The following ADGRE3 variants were observed in gnomAD, a reference collection of about 807,000 sequenced individuals.
ADGRE3 encodes adhesion G protein-coupled receptor E3, also known as EGF-like module receptor 3.
A neutral mutation model predicts 80.1 loss-of-function variants in ADGRE3; 88 were observed. That is an observed-to-expected ratio of 1.10 (90% CI 0.93 to 1.31). The LOEUF (loss-of-function observed/expected upper bound fraction) is 1.31, where lower values mean the gene tolerates loss of function less well. ADGRE3 is among the 40% of genes most tolerant of loss of function. The pLI, the probability that ADGRE3 is intolerant of heterozygous loss-of-function variation, is 0.00. For synonymous variants in ADGRE3, 281 were observed against 294.8 expected, an observed-to-expected ratio of 0.95 and a Z score of 0.48; for missense variants, 715 against 776.5, an observed-to-expected ratio of 0.92 and a Z score of 0.94.
chr19:14,620,434 A>C (rs1840986553), intron 15 of ADGRE3, among the ~76,000 whole-genome samples: 1 of 143,708 alleles, frequency 7.0e-6, no homozygotes, highest in Non-Finnish European at 1.5e-5. Flanking sequence ...ATATGAATAT[A>C]TATGTATATT....
rs1972126344 is a variant in ADGRE3 at position 14,667,182 on chromosome 19, C to T, written c.76+1620G>A. ...GAGGCTTGGCAGAGAGGAAATGTGG[C>T]TGCTGGTGGCTATGAAGTGAGACTT... is the stretch of plus-strand genomic sequence containing the variant. On this transcript the variant is annotated intron_variant, in intron 2 of 15. Coordinates refer to ENST00000253673, the MANE Select transcript of ADGRE3 (RefSeq NM_032571.5). 2.0e-5 allele frequency among the ~76,000 whole-genome samples: 3 copies of T among 152,092 alleles called. No individual in the cohort carries two copies. The South Asian group carries it at 6.2e-4, about 32-fold the overall frequency.
At chr19:14,673,723 G>A (rs1972315823) in intron 1 of ADGRE3, among the ~76,000 whole-genome samples, 1 of 152,138 alleles carries the variant, frequency 6.6e-6, no homozygotes, top group Non-Finnish European at 1.5e-5. Context: ...CAAAAATGTT[G>A]GTTATCATTA....
chr19:14,647,635 CTCAA>C (rs1971452770), intron 7 of ADGRE3, among the ~76,000 whole-genome samples: 1 of 151,474 alleles, frequency 6.6e-6, no homozygotes, highest in Admixed American at 6.6e-5. Context: ...CCAGGCTGGT[CTCAA>C]ACTCCTGACC....
chr19:14,607,006 A>T, the ADGRE3 span: 1 of 1,289,268 alleles, frequency 7.8e-7, no homozygotes, highest in Non-Finnish European at 9.9e-7. Context: ...TTTGTGGCCA[A>T]GGCCCATGGC....
intron 10 of ADGRE3, among the ~76,000 whole-genome samples, chr19:14,639,056 C>T (rs1475442643): frequency 1.3e-5 from 2 of 151,888 alleles, no homozygotes; most frequent in African/African-American, 4.8e-5. Context: ...TGTGTGCCAC[C>T]ATATCCACTA....
Position 14,655,184 on chromosome 19 carries a change from T to C in ADGRE3, c.394-19A>G. 6.3e-7 allele frequency: 1 copy of C among 1,590,528 alleles called. No individual in the cohort carries two copies. On this transcript the variant is annotated intron_variant, in intron 5 of 15. Transcript: ENST00000253673. ...TTTGCAGCTTTGAAGACATAAAGAA[T>C]TTTCATTTTTTAAAAATGTAATCTG...
chr19:14,652,790 G>GAAA (rs372506023), intron 6 of ADGRE3, among the ~76,000 whole-genome samples: 1 of 125,962 alleles, frequency 7.9e-6, no homozygotes, highest in Non-Finnish European at 1.7e-5. Context: ...AAAAAAAAAA[G>GAAA]AAAAAAAAAA....
chr19:14,654,640 T>C (rs1179979571), intron 6 of ADGRE3, among the ~76,000 whole-genome samples: 1 of 152,238 alleles, frequency 6.6e-6, no homozygotes, highest in Non-Finnish European at 1.5e-5. Flanking sequence ...AACAACTTTA[T>C]TGAGGTATAA....
At chr19:14,607,370 A>AT in the ADGRE3 span, among the ~76,000 whole-genome samples, 54,789 of 150,456 alleles carry the variant, frequency 0.36, 11,386 homozygotes, top group Non-Finnish European at 0.47. Context: ...TGCCCGGCTA[A>AT]TTTTTTGTAT....
Position 14,663,433 on chromosome 19 carries a change from A to G in ADGRE3, c.184T>C (p.Leu62=), listed in dbSNP as rs1972007928. 6.2e-7 allele frequency: 1 copy of G among 1,605,926 alleles called. No homozygotes were observed. The highest frequency in any genetic ancestry group is 1.1e-5 in the South Asian group (1 of 90,360). ...GSGQKLFTFP[L]ETCNDINECT... is the part of the protein sequence containing the mutation. ...ACTTCTTTACCGTTACATGTCTCCA[A>G]GGGGAATGTGAATAGTTTCTGCCCA... The change falls in exon 3 of 16, where the codon TTG becomes CTG. Residue 62 remains leucine (L), a synonymous_variant. Coordinates refer to ENST00000253673, the MANE Select transcript of ADGRE3 (RefSeq NM_032571.5).
At chr19:14,628,241 G>A (rs187876270) in intron 14 of ADGRE3, among the ~76,000 whole-genome samples, 46 of 150,160 alleles carry the variant, frequency 3.1e-4, no homozygotes, top group African/African-American at 1.0e-3. Context: ...AGTGTTTTGC[G>A]TATGCTCATG....
chr19:14,626,806 T>G (rs1249802017), intron 14 of ADGRE3, among the ~76,000 whole-genome samples: 1 of 152,172 alleles, frequency 6.6e-6, no homozygotes, highest in African/African-American at 2.4e-5. Flanking sequence ...TAGAGTCAAC[T>G]TGCCTGAAGG....
chr19:14,644,766 C>A (rs1447544685), intron 8 of ADGRE3, among the ~76,000 whole-genome samples: 1 of 152,176 alleles, frequency 6.6e-6, no homozygotes, highest in African/African-American at 2.4e-5. Context: ...CATTCTGTCA[C>A]CCAGGCTGGA....
In ADGRE3 at chr19:14,619,443, C is replaced by G. The variant is rs781712544; in HGVS notation, c.1949G>C (p.Arg650Thr). ...EGDVFPGQVK[R>T]KY ...TTGAATATTCTAGTTTTAATATTTT[C>G]TCTTCACTTGTCCTGGAAAAACATC... is the stretch of plus-strand genomic sequence containing the variant. Residue 650 changes from arginine (R) to threonine (T), a missense_variant, in exon 16 of 16, where the codon AGA becomes ACA. Physicochemically the swap from Arg to Thr is moderately conservative, Grantham distance 71. Coordinates refer to ENST00000253673, the MANE Select transcript of ADGRE3 (RefSeq NM_032571.5). 11 of 1,591,192 alleles carry G rather than the reference C, an allele frequency of 6.9e-6. No individual in the cohort carries two copies. The African/African-American group carries it at 1.3e-4, about 19-fold the overall frequency.
chr19:14,628,878 T>G lies in ADGRE3; in HGVS notation c.1812+1161A>C, dbSNP rs556991774. 5.5e-5 allele frequency: 9 copies of G among 163,694 alleles called. No homozygotes were observed. In the South Asian group the frequency reaches 6.0e-4, roughly 11 times the overall value. The allele number at this position is 163,694 out of a possible 1,614,324, so 10.1% of individuals were successfully genotyped here. A position where few individuals can be genotyped will look rare whatever the true frequency, so the allele number is the denominator to read the frequency against. ...TCAGTCCAGCATGGTGGCTTACACC[T>G]GTAATCCCGGCACTATATAATTGGT... is the stretch of plus-strand genomic sequence containing the variant. On this transcript the variant is annotated intron_variant, in intron 14 of 15. Transcript: ENST00000253673.
chr19:14,641,995 TA>T (rs1369310036), intron 9 of ADGRE3, among the ~76,000 whole-genome samples: 8 of 151,978 alleles, frequency 5.3e-5, no homozygotes, highest in South Asian at 2.1e-4. Flanking sequence ...TTTTTTCCCC[TA>T]AAAAAAGTAG....
chr19:14,626,811 T>C (rs1201747726), intron 14 of ADGRE3, among the ~76,000 whole-genome samples: 1 of 152,130 alleles, frequency 6.6e-6, no homozygotes, highest in Non-Finnish European at 1.5e-5. Flanking sequence ...TCAACTTGCC[T>C]GAAGGAGGAG....
chr19:14,607,600 C>T, the ADGRE3 span, among the ~76,000 whole-genome samples: 4 of 148,618 alleles, frequency 2.7e-5, no homozygotes, highest in African/African-American at 7.5e-5. Flanking sequence ...TTCTTTGAGA[C>T]GGAGTCTCGC....
chr19:14,668,630 T>C, intron 2 of ADGRE3, 172 bp downstream of exon 2: 1 of 566,856 alleles, frequency 1.8e-6, no homozygotes, highest in African/African-American at 1.9e-5. Context: ...TAAAAGGCTA[T>C]CCATATTTGA....
Sources: allele counts gnomAD v4.1 joint callset (sites outside exome capture counted in the v4.1 genomes callset), GRCh38; gene constraint gnomAD v4.1.1; transcripts MANE v1.5; gene names NCBI Gene and HGNC (gene_info 2026-07-23, HGNC 2026-07-21).